MCPH1: variants seen among roughly 807,000 people sequenced by gnomAD.
MCPH1 encodes microcephalin 1.
In MCPH1, 104 loss-of-function variants were observed where a neutral mutation model predicts 84.5. The observed-to-expected ratio is 1.23, with a 90% CI of 1.05 to 1.45. The LOEUF (loss-of-function observed/expected upper bound fraction) is 1.45. Among genes scored for constraint, MCPH1 ranks in the 40% most tolerant of loss-of-function variants. The pLI is 0.00. For synonymous variants in MCPH1, 514 were observed against 366.8 expected (o/e 1.40, Z -4.58); for missense variants, 1,498 against 1,005.7 (o/e 1.49, Z -6.62).
At chr8:6,590,261 G>A (rs2129577622) in intron 12 of MCPH1, among the ~76,000 whole-genome samples, 1 of 151,998 alleles carries the variant, frequency 6.6e-6, no homozygotes. Flanking sequence ...AAATAAAAAT[G>A]AGCAATAAAG....
At chr8:6,495,933 C>A (rs1423285694) in intron 11 of MCPH1, among the ~76,000 whole-genome samples, 1 of 152,092 alleles carries the variant, frequency 6.6e-6, no homozygotes, top group Non-Finnish European at 1.5e-5. Flanking sequence ...TATTTTATAC[C>A]AGCAGTCTCC....
intron 2 of MCPH1, among the ~76,000 whole-genome samples, chr8:6,410,860 C>T (rs1026484297): frequency 3.9e-5 from 6 of 152,118 alleles, no homozygotes. Flanking sequence ...GAGGCCAAGG[C>T]AGGCGGATCA....
chr8:6,484,174 G>A (rs1471221831), intron 11 of MCPH1, among the ~76,000 whole-genome samples: 1 of 152,198 alleles, frequency 6.6e-6, no homozygotes, highest in South Asian at 2.1e-4. Context: ...AAAGATTTAT[G>A]TCTGGAATAT....
At chr8:6,531,223 C>T (rs1019930943) in intron 12 of MCPH1, among the ~76,000 whole-genome samples, 9 of 151,690 alleles carry the variant, frequency 5.9e-5, no homozygotes, top group African/African-American at 1.2e-4. Flanking sequence ...GCATGTCTCT[C>T]GGTGAATTTT....
intron 3 of MCPH1, among the ~76,000 whole-genome samples, chr8:6,419,314 G>C (rs1215929805): frequency 6.6e-6 from 1 of 152,080 alleles, no homozygotes; most frequent in Non-Finnish European, 1.5e-5. Flanking sequence ...TGACCTCTAA[G>C]GCTCAATCAG....
chr8:6,447,269 G>T, intron 8 of MCPH1: 2 of 985,404 alleles, frequency 2.0e-6, no homozygotes, highest in Non-Finnish European at 2.4e-6. Flanking sequence ...CTTAGAAGAT[G>T]AAACCATAAA....
intron 11 of MCPH1, among the ~76,000 whole-genome samples, chr8:6,490,628 C>G (rs559263307): frequency 7.2e-5 from 11 of 152,180 alleles, no homozygotes; most frequent in African/African-American, 2.4e-4. Context: ...ATTTTGCTAC[C>G]TGATACTTTT....
At chr8:6,476,050 T>G (rs1029189581) in intron 9 of MCPH1, among the ~76,000 whole-genome samples, 2 of 152,188 alleles carry the variant, frequency 1.3e-5, no homozygotes, top group African/African-American at 4.8e-5. Flanking sequence ...CAAGGCTATA[T>G]GAAACTGTCA....
intron 1 of MCPH1, among the ~76,000 whole-genome samples, chr8:6,408,808 C>G (rs1007576440): frequency 3.3e-5 from 5 of 152,188 alleles, no homozygotes; most frequent in Admixed American, 2.6e-4. Context: ...AGTGATCCCA[C>G]TGCCTTGGCC....
rs752693858 is a variant in MCPH1 at position 6,503,124 on chromosome 8, T to G, written c.2214+3195T>G. ...GTTTAGAAATCTGCTGGTCGGATCA[T>G]CATGGTTGTGGCCTTGAGCGAATAG... On this transcript the variant is annotated intron_variant, in intron 12 of 13. Coordinates refer to ENST00000344683, the MANE Select transcript of MCPH1 (RefSeq NM_024596.5). 1.5e-5 allele frequency: 25 copies of G among 1,614,076 alleles called. No individual in the cohort carries two copies. Among genetic ancestry groups the G allele is most frequent in the Non-Finnish European group, 2.1e-5 (25 of 1,180,046 alleles).
At chr8:6,457,478 A>G (rs1805822928) in intron 9 of MCPH1, among the ~76,000 whole-genome samples, 1 of 152,146 alleles carries the variant, frequency 6.6e-6, no homozygotes, top group Admixed American at 6.5e-5. Context: ...GGTGGTGGGC[A>G]CCTGTAATCC....
intron 5 of MCPH1, among the ~76,000 whole-genome samples, chr8:6,437,258 G>A (rs555413663): frequency 3.6e-4 from 54 of 151,944 alleles, no homozygotes; most frequent in African/African-American, 1.2e-3. Context: ...TTGAGATGGA[G>A]TCTTTCTCCA....
At chr8:6,534,762 G>T (rs1481608214) in intron 12 of MCPH1, among the ~76,000 whole-genome samples, 2 of 152,196 alleles carry the variant, frequency 1.3e-5, no homozygotes, top group African/African-American at 4.8e-5. Flanking sequence ...CTCAGAGTTA[G>T]CTCAGGCTTT....
At chr8:6,451,917 C>A (rs1805136032) in intron 8 of MCPH1, among the ~76,000 whole-genome samples, 1 of 152,170 alleles carries the variant, frequency 6.6e-6, no homozygotes, top group African/African-American at 2.4e-5. Context: ...AGAGTAAATA[C>A]TAATTGTTTA....
intron 12 of MCPH1, among the ~76,000 whole-genome samples, chr8:6,518,648 A>C (rs1816746900): frequency 6.6e-6 from 1 of 152,300 alleles, no homozygotes; most frequent in East Asian, 1.9e-4. Context: ...AATACTTAGG[A>C]TAATACTCAA....
Position 6,445,353 on chromosome 8 carries a change from C to T in MCPH1, c.1631C>T (p.Pro544Leu), listed in dbSNP as rs370822605. 13 of 1,614,124 alleles carry T rather than the reference C, an allele frequency of 8.1e-6. No individual in the cohort carries two copies. The highest frequency in any genetic ancestry group is 1.3e-5 in the African/African-American group (1 of 74,944). ...LPKGHDDDLT[P>L]LEGSLEEMKE... The stretch of plus-strand genomic sequence containing the variant: ...AAAGGACATGATGATGATTTAACTC[C>T]TTTGGAAGGAAGCCTTGAAGAAATG... The change falls in exon 8 of 14, where the codon CCT becomes CTT. Residue 544 changes from proline to leucine, a missense_variant. Pro to Leu is a moderately conservative substitution (Grantham distance 98). Coordinates refer to ENST00000344683, the MANE Select transcript of MCPH1 (RefSeq NM_024596.5).
At chr8:6,473,180 T>A (rs1013457284) in intron 9 of MCPH1, among the ~76,000 whole-genome samples, 1 of 152,162 alleles carries the variant, frequency 6.6e-6, no homozygotes, top group African/African-American at 2.4e-5. Flanking sequence ...TTTTCTTTGT[T>A]TTTAAATGTT....
intron 12 of MCPH1, chr8:6,532,465 T>G (rs1250282840): frequency 6.2e-7 from 1 of 1,613,598 alleles, no homozygotes; most frequent in Admixed American, 1.7e-5. Flanking sequence ...TTTCTTCATG[T>G]TGTCCTGGAT....
chr8:6,600,148 T>G (rs2442567), intron 12 of MCPH1, among the ~76,000 whole-genome samples: 1 of 152,172 alleles, frequency 6.6e-6, no homozygotes, highest in Non-Finnish European at 1.5e-5. Context: ...GAATTTCTTG[T>G]CCTTTTCCAA....
Sources: allele counts gnomAD v4.1 joint callset (sites outside exome capture counted in the v4.1 genomes callset), GRCh38; gene constraint gnomAD v4.1.1; transcripts MANE v1.5; gene names NCBI Gene and HGNC (gene_info 2026-07-23, HGNC 2026-07-21).